Variants in MSI2 observed in about 807,000 individuals in gnomAD.
MSI2 encodes the protein musashi RNA binding protein 2.
A neutral mutation model predicts 45.6 loss-of-function variants in MSI2; 17 were observed. That is an observed-to-expected ratio of 0.37 (90% confidence interval 0.26 to 0.56). MSI2 has a LOEUF of 0.56. Ranked by LOEUF, MSI2 falls within the 20% of genes least tolerant of loss-of-function variation. MSI2 has a pLI of 0.77. For missense variants in MSI2, 293 were observed against 444.2 expected (o/e 0.66, Z 3.06); for synonymous variants, 156 against 158.2 (o/e 0.99, Z 0.11).
intron 5 of MSI2, among the ~76,000 whole-genome samples, chr17:57,350,605 T>C (rs950593033): frequency 6.6e-6 from 1 of 152,144 alleles, no homozygotes; most frequent in African/African-American, 2.4e-5. Flanking sequence ...GGCAGTGCCC[T>C]GATCACACTG....
intron 7 of MSI2, among the ~76,000 whole-genome samples, chr17:57,579,755 C>T (rs2088150996): frequency 6.6e-6 from 1 of 152,174 alleles, no homozygotes; most frequent in Admixed American, 6.5e-5. Flanking sequence ...GCTTCAGCAT[C>T]TGATGGGGGC....
In MSI2 at chr17:57,682,517, A is replaced by C. The variant is rs1913675195; in HGVS notation, c.*3000A>C. Reference sequence around the variant, plus strand: ...CTGTGTGAATATGTTTTAGATGTTTATATACCTTTTGAAGAGACCCAGTAG... The same window carrying C: ...CTGTGTGAATATGTTTTAGATGTTTCTATACCTTTTGAAGAGACCCAGTAG... On this transcript the variant is annotated 3_prime_UTR_variant, in exon 14 of 14. Coordinates refer to ENST00000284073, the MANE Select transcript of MSI2 (RefSeq NM_138962.4). 4.8e-6 allele frequency: 1 copy of C among 207,744 alleles called. No homozygotes were observed. Among genetic ancestry groups the C allele is most frequent in the Non-Finnish European group, 9.8e-6 (1 of 102,064 alleles). The allele number at this position is 207,744 out of a possible 1,614,324, so 12.9% of individuals were successfully genotyped here. A position where few individuals can be genotyped will look rare whatever the true frequency, so the allele number is the denominator to read the frequency against.
intron 6 of MSI2, among the ~76,000 whole-genome samples, chr17:57,425,146 G>A (rs1233214443): frequency 6.6e-5 from 10 of 152,152 alleles, no homozygotes; most frequent in Admixed American, 6.5e-4. Context: ...CCTGAAGAGG[G>A]GAGGGCCAGG....
intron 6 of MSI2, among the ~76,000 whole-genome samples, chr17:57,494,683 C>A (rs2085940656): frequency 6.6e-6 from 1 of 152,128 alleles, no homozygotes; most frequent in Non-Finnish European, 1.5e-5. Flanking sequence ...GAAGTAGGTA[C>A]CTGCCTCTTT....
intron 5 of MSI2, among the ~76,000 whole-genome samples, chr17:57,292,912 G>A (rs900106483): frequency 1.2e-4 from 18 of 152,108 alleles, no homozygotes; most frequent in African/African-American, 3.9e-4. Flanking sequence ...CCCGCTAGAC[G>A]AAAACCCTGA....
chr17:57,674,155 T>G (rs113825494), intron 11 of MSI2, among the ~76,000 whole-genome samples: 1 of 150,950 alleles, frequency 6.6e-6, no homozygotes, highest in Non-Finnish European at 1.5e-5. Flanking sequence ...ATTACTGTTA[T>G]GTCAAGATGC....
At chr17:57,394,544 A>G (rs1385915228) in intron 5 of MSI2, among the ~76,000 whole-genome samples, 3 of 152,246 alleles carry the variant, frequency 2.0e-5, no homozygotes, top group Admixed American at 2.0e-4. Context: ...CTCAGATTTT[A>G]TTAGGCAGGA....
intron 5 of MSI2, among the ~76,000 whole-genome samples, chr17:57,305,361 G>T (rs1231052675): frequency 3.9e-5 from 6 of 152,240 alleles, no homozygotes; most frequent in Non-Finnish European, 8.8e-5. Context: ...TTGTTCTCTG[G>T]GGCCCTTTTT....
At chr17:57,484,956 G>A (rs1249212101) in intron 6 of MSI2, among the ~76,000 whole-genome samples, 2 of 152,200 alleles carry the variant, frequency 1.3e-5, no homozygotes, top group African/African-American at 2.4e-5. Context: ...GGTTTTATCT[G>A]TGTCACTCCT....
intron 6 of MSI2, among the ~76,000 whole-genome samples, chr17:57,426,334 C>T (rs1239920131): frequency 1.3e-5 from 2 of 152,208 alleles, no homozygotes; most frequent in Non-Finnish European, 2.9e-5. Flanking sequence ...CTTGTGAAAG[C>T]ATTACCATTG....
intron 5 of MSI2, among the ~76,000 whole-genome samples, chr17:57,329,699 C>T (rs73325415): frequency 0.032 from 4,905 of 152,228 alleles, 292 homozygotes; most frequent in African/African-American, 0.11. Flanking sequence ...GTGTTTGAGT[C>T]CCTTGTGAGG....
intron 5 of MSI2, chr17:57,267,438 G>C (rs967703229): frequency 1.3e-5 from 2 of 151,968 alleles, no homozygotes; most frequent in Non-Finnish European, 2.9e-5. Context: ...AAGCTCCTGT[G>C]TTCTTTGTCA....
chr17:57,282,368 T>C (rs1053707511), intron 5 of MSI2, among the ~76,000 whole-genome samples: 15 of 152,178 alleles, frequency 9.9e-5, no homozygotes, highest in Admixed American at 8.5e-4. Flanking sequence ...GGCAGTTTAG[T>C]CCTGCACTGG....
chr17:57,459,164 T>C (rs2085174808), intron 6 of MSI2, among the ~76,000 whole-genome samples: 1 of 152,168 alleles, frequency 6.6e-6, no homozygotes, highest in Admixed American at 6.5e-5. Flanking sequence ...TTGTGGTGTT[T>C]TGGAACCTGG....
At position 57,315,979 on chromosome 17, in the gene MSI2, G is replaced by A. The variant is rs528720308; in HGVS notation, c.312+53787G>A. On this transcript the variant is annotated intron_variant, in intron 5 of 13. Transcript: ENST00000284073. ...TGAGAGACCATTAGACAGTAAACAG[G>A]AGAGGGCTTTGAAATCACATTTGTC... Among the ~76,000 whole-genome samples the A allele has an allele frequency of 4.6e-5, 7 of 152,154 alleles. No homozygotes were observed. The South Asian group carries it at 8.3e-4, about 18-fold the overall frequency.
At chr17:57,335,205 A>G (rs545613802) in intron 5 of MSI2, among the ~76,000 whole-genome samples, 6,203 of 152,060 alleles carry the variant, frequency 0.041, 135 homozygotes, top group African/African-American at 0.044. Flanking sequence ...GCCAGCAAGT[A>G]TGAATTGTTA....
chr17:57,396,628 A>G (rs1033616324), intron 5 of MSI2, among the ~76,000 whole-genome samples: 19 of 152,182 alleles, frequency 1.2e-4, no homozygotes, highest in Admixed American at 1.1e-3. Context: ...TCTTACGTGT[A>G]AACAGCAATT....
intron 5 of MSI2, among the ~76,000 whole-genome samples, chr17:57,271,800 T>C (rs1011382412): frequency 2.0e-5 from 3 of 148,702 alleles, no homozygotes; most frequent in African/African-American, 7.5e-5. Flanking sequence ...TTTCAGACCA[T>C]GATTTGTGTG....
In MSI2 at chr17:57,680,278, T is replaced by C. The variant is rs1272611556; in HGVS notation, c.*761T>C. ...TTTGAGTGTCCTCCTTTTCTATAAG[T>C]GCTTTTTTTCTGTTGAAAGAGGTGA... On this transcript the variant is annotated 3_prime_UTR_variant, in exon 14 of 14. Coordinates refer to ENST00000284073, the MANE Select transcript of MSI2 (RefSeq NM_138962.4). 4.4e-6 allele frequency: 1 copy of C among 228,436 alleles called. No homozygotes were observed. Among genetic ancestry groups the C allele is most frequent in the Non-Finnish European group, 8.7e-6 (1 of 115,084 alleles). 14.2% of individuals were successfully genotyped at this position (228,436 alleles called of 1,614,324 possible). A position where few individuals can be genotyped will look rare whatever the true frequency, so the allele number is the denominator to read the frequency against.
Sources: allele counts gnomAD v4.1 joint callset (sites outside exome capture counted in the v4.1 genomes callset), GRCh38; gene constraint gnomAD v4.1.1; transcripts MANE v1.5; gene names NCBI Gene and HGNC (gene_info 2026-07-23, HGNC 2026-07-21).